KRT39: variants seen among roughly 807,000 people sequenced by gnomAD.
The protein encoded by KRT39 is keratin 39.
KRT39 carries 47 observed loss-of-function variants against 54.8 expected under a neutral mutation model. The ratio of observed to expected loss-of-function variants is 0.86; its 90% confidence interval spans 0.68 to 1.09. KRT39 has a LOEUF of 1.09. Ranked by LOEUF, KRT39 falls within the 50% of genes least tolerant of loss-of-function variation. The pLI, the probability that KRT39 is intolerant of heterozygous loss-of-function variation, is 0.00. For synonymous variants in KRT39, 207 were observed against 227.9 expected (o/e 0.91, Z 0.83); for missense variants, 580 against 598.5 (o/e 0.97, Z 0.32).
In KRT39 at chr17:40,959,819, G is replaced by A. The variant is rs140881799; in HGVS notation, c.1217+462C>T. ...CATACATGTGTACATGCTTCTGTTG[G>A]CCTCAAGGACTAGTGGCTAGATAGG... On this transcript the variant is annotated intron_variant, in intron 6 of 6. Coordinates refer to ENST00000355612, the MANE Select transcript of KRT39 (RefSeq NM_213656.4). Among the ~76,000 whole-genome samples, 12 of 152,230 alleles carry A rather than the reference G, an allele frequency of 7.9e-5. No homozygotes were observed. In the East Asian group the frequency reaches 2.3e-3, roughly 29 times the overall value.
intron 1 of KRT39, among the ~76,000 whole-genome samples, chr17:40,966,067 ATGTG>A (rs71300040): frequency 0.13 from 18,919 of 147,310 alleles, 1,234 homozygotes; most frequent in African/African-American, 0.16. Flanking sequence ...TTGTGTGTGT[ATGTG>A]TGTGTGTGTG....
At chr17:40,959,529 T>C (rs1207146986) in intron 6 of KRT39, among the ~76,000 whole-genome samples, 1 of 152,250 alleles carries the variant, frequency 6.6e-6, no homozygotes. Context: ...TTTTGGTATA[T>C]GATCACAGCT....
intron 6 of KRT39, among the ~76,000 whole-genome samples, chr17:40,959,209 CT>C (rs1911036109): frequency 6.6e-6 from 1 of 152,180 alleles, no homozygotes; most frequent in Non-Finnish European, 1.5e-5. Flanking sequence ...CGCACTCAAC[CT>C]TTAGTTTTTC....
chr17:40,963,060 C>T (rs1381447423), intron 3 of KRT39, among the ~76,000 whole-genome samples: 1 of 152,136 alleles, frequency 6.6e-6, no homozygotes, highest in African/African-American at 2.4e-5. Context: ...GCCTTTCTTC[C>T]CCTTATGGCT....
rs1911422149 is a variant in KRT39 at position 40,966,839 on chromosome 17, A to G, written c.18T>C (p.Cys6=). 6 of 1,612,022 alleles carry G rather than the reference A, an allele frequency of 3.7e-6. No homozygotes were observed. Among genetic ancestry groups the G allele is most frequent in the Non-Finnish European group, 5.1e-6 (6 of 1,178,642 alleles). MDTKG[C]TTTNSPSTPC... ...GGGTTGAAGGAGAATTGGTTGTTGT[A>G]CAGCCCTTGGTGTCCATAGTATGTG... Residue 6 remains cysteine (C), a synonymous_variant, in exon 1 of 7, where the codon TGT becomes TGC. Transcript: ENST00000355612.
chr17:40,958,864 G>C lies in KRT39; in HGVS notation c.1218-5C>G. On this transcript the variant is annotated splice_region_variant and splice_polypyrimidine_tract_variant and intron_variant, in intron 6 of 6. Coordinates refer to ENST00000355612, the MANE Select transcript of KRT39 (RefSeq NM_213656.4). ...GCACGTGGGTAACAGGGACGCCTAA[G>C]GAAAAAAAACACAATTTTAGCTGTG... The C allele has an allele frequency of 1.3e-6, 2 of 1,563,098 alleles. No individual in the cohort carries two copies. The highest frequency in any genetic ancestry group is 1.2e-5 in the South Asian group (1 of 84,136).
Position 40,966,707 on chromosome 17 carries a change from A to G in KRT39, c.150T>C (p.Val50=), listed in dbSNP as rs1202843037. The G allele has an allele frequency of 6.2e-7, 1 of 1,614,064 alleles. No individual in the cohort carries two copies. The highest frequency in any genetic ancestry group is 1.3e-5 in the African/African-American group (1 of 74,926). Residue 50 remains valine (V), a synonymous_variant, in exon 1 of 7, where the codon GTT becomes GTC. Transcript: ENST00000355612. ...AGCCCTGGTCCCAGGGAATTCTGAG[A>G]ACGTGGCCAGCTGGTTGACAGTTGT... ...TVNNCQPAGH[V]LRIPWDQGCQ... is the part of the protein sequence containing the mutation.
Position 40,966,783 on chromosome 17 carries a change from A to G in KRT39, c.74T>C (p.Val25Ala), listed in dbSNP as rs751072508. 6.2e-7 allele frequency: 1 copy of G among 1,614,238 alleles called. No individual in the cohort carries two copies. The highest frequency in any genetic ancestry group is 2.2e-5 in the East Asian group (1 of 44,882). Residue 25 changes from valine to alanine, a missense_variant, in exon 1 of 7, where the codon GTT (valine) becomes GCT (alanine). Coordinates refer to ENST00000355612, the MANE Select transcript of KRT39 (RefSeq NM_213656.4). ...PCQNCSRITNVSTISSNNGCH... is the reference protein window; with the variant it reads ...PCQNCSRITNASTISSNNGCH... ...GCCGTTGTTAGAAGAGATGGTACTA[A>G]CATTTGTAATCCTAGAGCAGTTTTG...
At chr17:40,961,292 C>A (rs575237810) in intron 5 of KRT39, among the ~76,000 whole-genome samples, 2 of 152,242 alleles carry the variant, frequency 1.3e-5, no homozygotes, top group Non-Finnish European at 2.9e-5. Flanking sequence ...AAATTTCATT[C>A]CTGCTCTATC....
chr17:40,966,541 G>C lies in KRT39; in HGVS notation c.316C>G (p.Arg106Gly). ...EKETMQILNE[R>G]LANYLQKVRM... Reference sequence around the variant, plus strand: ...ACCTTTTGCAGGTAGTTAGCAAGGCGCTCGTTCAAGATTTGCATGGTCTCC... The same window carrying C: ...ACCTTTTGCAGGTAGTTAGCAAGGCCCTCGTTCAAGATTTGCATGGTCTCC... Residue 106 changes from arginine (R) to glycine (G), a missense_variant, in exon 1 of 7, where the codon CGC becomes GGC. By Grantham distance (125) the Arg-to-Gly change is moderately radical. Transcript: ENST00000355612. 1 of 1,614,124 alleles carries C rather than the reference G, an allele frequency of 6.2e-7. No homozygotes were observed. Among genetic ancestry groups the C allele is most frequent in the Non-Finnish European group, 8.5e-7 (1 of 1,180,020 alleles).
chr17:40,961,079 G>A (rs1174992009), intron 5 of KRT39, among the ~76,000 whole-genome samples: 3 of 151,284 alleles, frequency 2.0e-5, no homozygotes, highest in African/African-American at 4.9e-5. Flanking sequence ...GCAGTGACCC[G>A]AGATCGTGCC....
chr17:40,960,982 T>A (rs1008020979), intron 5 of KRT39, among the ~76,000 whole-genome samples: 2 of 152,000 alleles, frequency 1.3e-5, no homozygotes, highest in Non-Finnish European at 2.9e-5. Context: ...ATACAAAAAA[T>A]TAGCTGGGTG....
chr17:40,961,413 T>C (rs1387514125), intron 5 of KRT39, among the ~76,000 whole-genome samples: 2 of 152,182 alleles, frequency 1.3e-5, no homozygotes, highest in Non-Finnish European at 2.9e-5. Flanking sequence ...TGGTTCAATA[T>C]GTTGTCCAAG....
chr17:40,964,790 G>T (rs897366171), intron 1 of KRT39, among the ~76,000 whole-genome samples: 1 of 152,068 alleles, frequency 6.6e-6, no homozygotes, highest in African/African-American at 2.4e-5. Flanking sequence ...CAGGCTGAGA[G>T]CAGTGGCTCA....
chr17:40,959,936 G>C (rs1405000914), intron 6 of KRT39, among the ~76,000 whole-genome samples: 1 of 152,078 alleles, frequency 6.6e-6, no homozygotes, highest in East Asian at 1.9e-4. Flanking sequence ...ATCTCAGTGG[G>C]GAAACATCTG....
intron 1 of KRT39, 141 bp downstream of exon 1, chr17:40,966,248 C>T: frequency 4.6e-6 from 3 of 646,964 alleles, no homozygotes; most frequent in Non-Finnish European, 8.0e-6. Flanking sequence ...CTCAAGATGA[C>T]AATTTCACTC....
At chr17:40,960,657 C>T (rs1911117021) in intron 5 of KRT39, 156 bp from the exon 6 acceptor site, 1 of 618,008 alleles carries the variant, frequency 1.6e-6, no homozygotes, top group East Asian at 2.7e-5. Context: ...ATCCAAAACC[C>T]AAATGATCAA....
In KRT39 at chr17:40,958,577, G is replaced by A; in HGVS notation, c.*24C>T. On this transcript the variant is annotated 3_prime_UTR_variant, in exon 7 of 7. Transcript: ENST00000355612. The stretch of plus-strand genomic sequence containing the variant: ...TATTGGCCTCTGTTTCATAAATGTG[G>A]GTCATTTTCATCACCTTGGGATGTT... 6.4e-7 allele frequency: 1 copy of A among 1,574,386 alleles called. No individual in the cohort carries two copies. The highest frequency in any genetic ancestry group is 8.6e-7 in the Non-Finnish European group (1 of 1,160,462).
At chr17:40,966,067 ATGTGTGTGTGTGTG>A (rs71300040) in intron 1 of KRT39, among the ~76,000 whole-genome samples, 1 of 147,306 alleles carries the variant, frequency 6.8e-6, no homozygotes, top group African/African-American at 2.5e-5. Context: ...TTGTGTGTGT[ATGTGTGTGTGTGTG>A]TGTGTGTGTG....
Sources: allele counts gnomAD v4.1 joint callset (sites outside exome capture counted in the v4.1 genomes callset), GRCh38; gene constraint gnomAD v4.1.1; transcripts MANE v1.5; gene names NCBI Gene and HGNC (gene_info 2026-07-23, HGNC 2026-07-21).